Variants in ABTB3 observed in about 807,000 individuals in gnomAD.
The protein encoded by ABTB3 is ankyrin repeat and BTB domain containing 3, also known as ankyrin repeat- and BTB/POZ domain-containing protein 3.
chr12:107,473,042 C>T, the ABTB3 span, among the ~76,000 whole-genome samples: 1 of 152,152 alleles, frequency 6.6e-6, no homozygotes, highest in South Asian at 2.1e-4. Context: ...CAGGCGAGGC[C>T]ACAGTAAGCA....
chr12:107,643,730 C>T, the ABTB3 span, among the ~76,000 whole-genome samples: 2 of 145,560 alleles, frequency 1.4e-5, no homozygotes, highest in Non-Finnish European at 1.5e-5. Context: ...TGTGCTTACA[C>T]GTGTTATCTG....
the ABTB3 span, among the ~76,000 whole-genome samples, chr12:107,492,357 C>T: frequency 2.0e-5 from 3 of 152,196 alleles, no homozygotes; most frequent in South Asian, 6.2e-4. Context: ...TTGCCACACC[C>T]CTCTGTGCTA....
the ABTB3 span, among the ~76,000 whole-genome samples, chr12:107,430,185 G>A: frequency 2.0e-5 from 3 of 152,074 alleles, no homozygotes; most frequent in African/African-American, 4.8e-5. Context: ...TTAAAATACT[G>A]TCTTATATTC....
At chr12:107,522,076 G>GGTAC in the ABTB3 span, among the ~76,000 whole-genome samples, 1 of 151,956 alleles carries the variant, frequency 6.6e-6, no homozygotes, top group Non-Finnish European at 1.5e-5. Flanking sequence ...GCTTGCAGAT[G>GGTAC]GGTACCTTCT....
the ABTB3 span, among the ~76,000 whole-genome samples, chr12:107,352,794 T>TG: frequency 3.3e-5 from 5 of 151,676 alleles, no homozygotes; most frequent in African/African-American, 1.2e-4. Context: ...AGAGAAGAGA[T>TG]GGGGGGTACC....
the ABTB3 span, among the ~76,000 whole-genome samples, chr12:107,492,128 T>C: frequency 1.3e-5 from 2 of 152,098 alleles, no homozygotes; most frequent in African/African-American, 2.4e-5. Flanking sequence ...CTCACGCTGA[T>C]TCGCTTCCTC....
the ABTB3 span, among the ~76,000 whole-genome samples, chr12:107,384,617 C>A: frequency 2.0e-5 from 3 of 152,192 alleles, no homozygotes; most frequent in Non-Finnish European, 4.4e-5. Context: ...ATACTCACAA[C>A]AGAGGCCTCA....
chr12:107,463,043 G>T, the ABTB3 span, among the ~76,000 whole-genome samples: 1 of 151,662 alleles, frequency 6.6e-6, no homozygotes, highest in Non-Finnish European at 1.5e-5. Flanking sequence ...TGGTGGTAGT[G>T]ATGGTGATGA....
At chr12:107,581,162 G>C in the ABTB3 span, 1 of 1,543,422 alleles carries the variant, frequency 6.5e-7, no homozygotes, top group East Asian at 2.4e-5. Flanking sequence ...GCCCTTCCTC[G>C]TGCTGCCGCC....
chr12:107,648,947 A>G, the ABTB3 span, among the ~76,000 whole-genome samples: 1 of 141,448 alleles, frequency 7.1e-6, no homozygotes, highest in Non-Finnish European at 1.5e-5. Context: ...GGGGGTGGGC[A>G]TGGAACTGGG....
At chr12:107,495,354 A>G in the ABTB3 span, among the ~76,000 whole-genome samples, 12 of 152,344 alleles carry the variant, frequency 7.9e-5, no homozygotes, top group African/African-American at 2.2e-4. Context: ...GACTTGAGGC[A>G]GGCAGCAGTG....
the ABTB3 span, among the ~76,000 whole-genome samples, chr12:107,563,172 A>G: frequency 6.6e-6 from 1 of 152,232 alleles, no homozygotes; most frequent in African/African-American, 2.4e-5. Context: ...AATAAGGCAC[A>G]CTTTGCTATT....
the ABTB3 span, among the ~76,000 whole-genome samples, chr12:107,637,785 T>TG: frequency 0.022 from 1,955 of 89,558 alleles, 67 homozygotes; most frequent in African/African-American, 0.077. Context: ...GAGCACTGAT[T>TG]TTGTGTGTGT....
the ABTB3 span, among the ~76,000 whole-genome samples, chr12:107,358,358 T>G: frequency 6.6e-6 from 1 of 152,220 alleles, no homozygotes; most frequent in Non-Finnish European, 1.5e-5. Flanking sequence ...AAGGGCTTTC[T>G]AAGCAGCAGG....
chr12:107,508,151 T>C, the ABTB3 span, among the ~76,000 whole-genome samples: 1 of 151,852 alleles, frequency 6.6e-6, no homozygotes, highest in Non-Finnish European at 1.5e-5. Flanking sequence ...TGAATGGAAG[T>C]TAAGCTCCAA....
the ABTB3 span, among the ~76,000 whole-genome samples, chr12:107,368,062 T>C: frequency 6.6e-6 from 1 of 152,254 alleles, no homozygotes; most frequent in African/African-American, 2.4e-5. Context: ...TTCTAACAGC[T>C]GCACAGTTAA....
At chr12:107,339,732 A>G in the ABTB3 span, among the ~76,000 whole-genome samples, 1 of 151,740 alleles carries the variant, frequency 6.6e-6, no homozygotes, top group African/African-American at 2.4e-5. Flanking sequence ...GCCTATATCA[A>G]CTCAGCAGAA....
At chr12:107,364,802 G>A in the ABTB3 span, among the ~76,000 whole-genome samples, 1 of 152,180 alleles carries the variant, frequency 6.6e-6, no homozygotes, top group African/African-American at 2.4e-5. Flanking sequence ...CATGCAGTAC[G>A]TGTAAGTGCA....
chr12:107,517,349 G>A, the ABTB3 span, among the ~76,000 whole-genome samples: 1 of 152,144 alleles, frequency 6.6e-6, no homozygotes, highest in Non-Finnish European at 1.5e-5. Context: ...TTGGCAATGC[G>A]GGCTCTTTTT....
Sources: allele counts gnomAD v4.1 joint callset (sites outside exome capture counted in the v4.1 genomes callset), GRCh38; gene constraint gnomAD v4.1.1; transcripts MANE v1.5; gene names NCBI Gene and HGNC (gene_info 2026-07-23, HGNC 2026-07-21).